Variants in FRMPD4 observed in about 807,000 individuals in gnomAD.
FRMPD4 encodes the protein FERM and PDZ domain-containing protein 4.
Under a neutral mutation model 94.1 loss-of-function variants are expected in FRMPD4, and 22 were observed. That is an observed-to-expected ratio of 0.23 (90% CI 0.17 to 0.33). FRMPD4 has a LOEUF of 0.33. Among genes scored for constraint, FRMPD4 ranks in the 10% least tolerant of loss-of-function variants. The pLI, the probability that FRMPD4 is intolerant of heterozygous loss-of-function variation, is 1.00. For synonymous variants in FRMPD4, 631 were observed against 548.6 expected (o/e 1.15, Z -2.10); for missense variants, 1,111 against 1,339.9 (o/e 0.83, Z 2.67).
At chrX:12,208,964 T>A (rs2056726254) in intron 1 of FRMPD4, among the ~76,000 whole-genome samples, 1 of 111,817 alleles carries the variant, frequency 8.9e-6, no homozygotes, top group East Asian at 2.8e-4. Context: ...ATCAGCTAAC[T>A]GAAGTAAGCT....
At chrX:12,474,543 AC>A (rs2057566785) in intron 1 of FRMPD4, among the ~76,000 whole-genome samples, 1 of 111,877 alleles carries the variant, frequency 8.9e-6, no homozygotes, top group Non-Finnish European at 1.9e-5. Flanking sequence ...GAAACGATCA[AC>A]AAAACTGATA....
intron 2 of FRMPD4, among the ~76,000 whole-genome samples, chrX:12,547,657 T>A (rs1329709498): frequency 8.9e-6 from 1 of 112,062 alleles, no homozygotes; most frequent in Non-Finnish European, 1.9e-5. Context: ...TCCACTAATT[T>A]ACAAGAATGC....
At chrX:12,489,260 A>T (rs1348118088) in intron 1 of FRMPD4, among the ~76,000 whole-genome samples, 3 of 112,411 alleles carry the variant, frequency 2.7e-5, no homozygotes, top group African/African-American at 9.7e-5. Flanking sequence ...AGTCAAGAAG[A>T]TTAAGTAAAC....
intron 4 of FRMPD4, among the ~76,000 whole-genome samples, chrX:12,639,094 C>T (rs1280110495): frequency 8.9e-6 from 1 of 111,768 alleles, no homozygotes; most frequent in Non-Finnish European, 1.9e-5. Context: ...GAATCATATT[C>T]TGGCATTCAT....
At chrX:11,835,804 G>C (rs149541669) in intron 1 of FRMPD4, among the ~76,000 whole-genome samples, 4 of 112,173 alleles carry the variant, frequency 3.6e-5, no homozygotes, top group African/African-American at 1.3e-4. Context: ...GCAGGAAAAC[G>C]TTAACAGAGT....
At chrX:11,945,738 A>C (rs2054185391) in intron 3 of FRMPD4, among the ~76,000 whole-genome samples, 1 of 111,268 alleles carries the variant, frequency 9.0e-6, no homozygotes, top group Non-Finnish European at 1.9e-5. Flanking sequence ...ATAGAGAGGG[A>C]ACTCACTCAT....
At chrX:11,880,711 C>T (rs750795427) in intron 3 of FRMPD4, among the ~76,000 whole-genome samples, 1 of 111,752 alleles carries the variant, frequency 8.9e-6, no homozygotes, top group East Asian at 2.8e-4. Context: ...GGCACAATCT[C>T]AGTTCACTGC....
intron 2 of FRMPD4, among the ~76,000 whole-genome samples, chrX:12,556,881 G>A (rs763735300): frequency 8.9e-6 from 1 of 111,887 alleles, no homozygotes; most frequent in South Asian, 3.8e-4. Context: ...GTCTCGCTGT[G>A]TCAACCAGGC....
chrX:12,413,902 G>C (rs904099484), intron 1 of FRMPD4, among the ~76,000 whole-genome samples: 3 of 111,902 alleles, frequency 2.7e-5, no homozygotes, highest in African/African-American at 9.7e-5. Context: ...CAATCTAAAA[G>C]GCAATATTTC....
chrX:12,104,373 G>A (rs1205104091), intron 3 of FRMPD4, among the ~76,000 whole-genome samples: 1 of 112,171 alleles, frequency 8.9e-6, no homozygotes, highest in Non-Finnish European at 1.9e-5. Context: ...CAGGGGAGAG[G>A]TGATGAGATA....
chrX:12,440,704 G>T (rs762902126), intron 1 of FRMPD4, among the ~76,000 whole-genome samples: 7 of 109,142 alleles, frequency 6.4e-5, no homozygotes, highest in African/African-American at 1.3e-4. Context: ...GGACTTGGGA[G>T]GGGGGGGAGC....
At chrX:12,118,586 G>A (rs1046387855) in intron 3 of FRMPD4, among the ~76,000 whole-genome samples, 6 of 111,575 alleles carry the variant, frequency 5.4e-5, no homozygotes, top group Non-Finnish European at 1.1e-4. Context: ...AGGAGTGGGG[G>A]CAGGGACAGG....
chrX:11,882,398 C>T (rs1022300577), intron 3 of FRMPD4, among the ~76,000 whole-genome samples: 1 of 110,963 alleles, frequency 9.0e-6, no homozygotes, highest in African/African-American at 3.3e-5. Context: ...AGACTGTGAA[C>T]AGATTTATAG....
chrX:12,217,527 T>A (rs981232167), intron 1 of FRMPD4, among the ~76,000 whole-genome samples: 2 of 112,218 alleles, frequency 1.8e-5, no homozygotes, highest in Admixed American at 1.9e-4. Flanking sequence ...TTTTTGATGA[T>A]TCACCACATA....
chrX:11,848,516 T>C, intron 1 of FRMPD4, among the ~76,000 whole-genome samples: 1 of 110,253 alleles, frequency 9.1e-6, no homozygotes, highest in Non-Finnish European at 1.9e-5. Context: ...CTGTGTTTTT[T>C]TTTTTTTCAT....
At chrX:12,479,405 C>CAT (rs747144592) in intron 1 of FRMPD4, among the ~76,000 whole-genome samples, 1 of 87,228 alleles carries the variant, frequency 1.1e-5, no homozygotes, top group Non-Finnish European at 2.3e-5. Context: ...CATATATACA[C>CAT]ATATATATAC....
chrX:12,168,245 T>C (rs1203984066), intron 1 of FRMPD4, among the ~76,000 whole-genome samples: 1 of 111,176 alleles, frequency 9.0e-6, no homozygotes, highest in African/African-American at 3.3e-5. Flanking sequence ...CCTTTGCCCA[T>C]AATTTCACTG....
intron 4 of FRMPD4, among the ~76,000 whole-genome samples, chrX:12,619,925 G>T (rs903117450): frequency 2.3e-4 from 26 of 112,125 alleles, no homozygotes; most frequent in African/African-American, 6.2e-4. Flanking sequence ...AGGAGCAGTC[G>T]TGCCCACCCA....
chrX:12,716,328 A>G lies in FRMPD4; in HGVS notation c.1869A>G (p.Arg623=). 1 of 1,211,370 alleles carries G rather than the reference A, an allele frequency of 8.3e-7. No individual in the cohort carries two copies. Among genetic ancestry groups the G allele is most frequent in the South Asian group, 1.8e-5 (1 of 56,966 alleles). ...PGEAPCEADY[R]SLAQRSLLTL... ...AGGCCCCCTGTGAGGCAGACTACAG[A>G]AGTCTAGCTCAGCGGTCCCTATTGA... The change falls in exon 15 of 17, where the codon AGA becomes AGG. Residue 623 remains arginine, a synonymous_variant. Transcript: ENST00000675598.
Sources: gnomAD v4.1 joint callset for allele counts (sites outside exome capture counted in the v4.1 genomes callset) on GRCh38, gnomAD v4.1.1 for gene constraint, MANE v1.5 for transcripts, NCBI Gene and HGNC (gene_info 2026-07-23, HGNC 2026-07-21) for gene names.